The following TEK variants were observed in gnomAD, a reference collection of about 807,000 sequenced individuals.
TEK encodes TEK receptor tyrosine kinase.
TEK carries 43 observed loss-of-function variants against 131.8 expected under a neutral mutation model. The observed-to-expected ratio is 0.33, with a 90% CI of 0.26 to 0.42. TEK has a LOEUF of 0.42. Among genes scored for constraint, TEK ranks in the 10% least tolerant of loss-of-function variants. TEK has a pLI of 1.00. For synonymous variants in TEK, 580 were observed against 491.6 expected (o/e 1.18, Z -2.38); for missense variants, 1,162 against 1,384.4 (o/e 0.84, Z 2.55).
rs1229985406 is a variant in TEK, at chr9:27,185,534, T to G, written c.1232T>G (p.Ile411Ser). ...TDHFSVAIFTIHRILPPDSGV... is the reference protein window; with the variant it reads ...TDHFSVAIFTSHRILPPDSGV... The stretch of plus-strand genomic sequence containing the variant: ...CATTTCTCAGTAGCCATATTCACCA[T>G]CCACCGGATCCTCCCCCCTGACTCA... The change falls in exon 9 of 23, where the codon ATC (isoleucine) becomes AGC (serine). Residue 411 changes from isoleucine (I) to serine (S), a missense_variant. Physicochemically the swap from Ile to Ser is moderately radical, Grantham distance 142 (BLOSUM62 -2). This residue lies in a region of TEK where 436 missense variants were observed against 539.1 expected (regional missense o/e 0.81). Coordinates refer to ENST00000380036, the MANE Select transcript of TEK (RefSeq NM_000459.5). 3.7e-6 allele frequency: 6 copies of G among 1,613,270 alleles called. No individual in the cohort carries two copies. The Admixed American group carries it at 1.0e-4, about 27-fold the overall frequency.
chr9:27,177,580 G>A (rs892081590), intron 6 of TEK, among the ~76,000 whole-genome samples: 2 of 152,208 alleles, frequency 1.3e-5, no homozygotes, highest in African/African-American at 2.4e-5. Context: ...GAGAAACCCC[G>A]TCTCTACTAA....
chr9:27,198,524 G>C (rs1168259356), intron 12 of TEK: 1 of 152,196 alleles, frequency 6.6e-6, no homozygotes, highest in Admixed American at 6.5e-5. Context: ...TCAGTGTTTA[G>C]GAATTCTTCA....
intron 1 of TEK, 112 bp downstream of exon 1, chr9:27,109,754 C>CT: frequency 2.0e-6 from 2 of 1,007,328 alleles, no homozygotes; most frequent in Non-Finnish European, 3.1e-6. Context: ...GTGGCTGTAG[C>CT]AAAGGCACCA....
rs539107517 is a variant in TEK at position 27,168,509 on chromosome 9, G to A, written c.379G>A (p.Ala127Thr). The part of the protein sequence containing the change: ...KMRQQASFLP[A>T]TLTMTVDKGD... ...TCTTTTAAAAGCTTCCTTCCTACCA[G>A]CTACTTTAACTATGACTGTGGACAA... The change falls in exon 3 of 23, where the codon GCT becomes ACT. Residue 127 changes from alanine (A) to threonine (T), a missense_variant. Physicochemically the swap from Ala to Thr is moderately conservative, Grantham distance 58 (BLOSUM62 0). Around this residue, in one of 6 missense-constraint regions of TEK, gnomAD observed 436 missense variants for 539.1 expected, o/e 0.81. Transcript: ENST00000380036. 11 of 1,613,420 alleles carry A rather than the reference G, an allele frequency of 6.8e-6. No homozygotes were observed. In the Admixed American group the frequency reaches 1.8e-4, roughly 27 times the overall value.
intron 22 of TEK, among the ~76,000 whole-genome samples, 160 bp downstream of exon 22, chr9:27,228,465 G>C (rs1826426055): frequency 6.6e-6 from 1 of 152,092 alleles, no homozygotes; most frequent in East Asian, 1.9e-4. Context: ...CTTTGAAGAA[G>C]TTACAATTTT....
At chr9:27,218,716 CCGGAAAATG>C in intron 19 of TEK, 52 bp from the exon 20 acceptor site, 1 of 1,594,616 alleles carries the variant, frequency 6.3e-7, no homozygotes, top group Non-Finnish European at 8.6e-7. Flanking sequence ...GCTTTTGGGG[CCGGAAAATG>C]AGCGGTGACT....
In TEK at chr9:27,172,865, A is replaced by G. The variant is rs911646126; in HGVS notation, c.760+118A>G. The G allele has an allele frequency of 2.8e-5, 38 of 1,373,596 alleles. No homozygotes were observed. In the African/African-American group the frequency reaches 5.0e-4, roughly 18 times the overall value. The allele number at this position is 1,373,596 out of a possible 1,614,324, so 85.1% of individuals were successfully genotyped here. A position where few individuals can be genotyped will look rare whatever the true frequency, so the allele number is the denominator to read the frequency against. ...CGCTAAATGGCCTCTGTTAGGTCAG[A>G]TGGTACCTGTGTGTGAATTAGAAAA... On this transcript the variant is annotated intron_variant, in intron 5 of 22. Coordinates refer to ENST00000380036, the MANE Select transcript of TEK (RefSeq NM_000459.5).
chr9:27,216,446 C>G (rs1053801221), intron 18 of TEK, among the ~76,000 whole-genome samples: 1 of 151,978 alleles, frequency 6.6e-6, no homozygotes, highest in African/African-American at 2.4e-5. Context: ...AGCCAGCAGG[C>G]TGGGAGTGAA....
chr9:27,212,461 G>A (rs1825670268), intron 16 of TEK, among the ~76,000 whole-genome samples: 2 of 152,134 alleles, frequency 1.3e-5, no homozygotes, highest in South Asian at 2.1e-4. Context: ...CTGTGTGAGT[G>A]CAGGTTTGGT....
At chr9:27,176,435 C>T (rs184326815) in intron 6 of TEK, among the ~76,000 whole-genome samples, 63 of 152,224 alleles carry the variant, frequency 4.1e-4, no homozygotes, top group African/African-American at 1.4e-3. Context: ...TTCTGCCATC[C>T]CAACAGAAAC....
intron 1 of TEK, among the ~76,000 whole-genome samples, chr9:27,120,250 A>G (rs1424424318): frequency 6.6e-6 from 1 of 152,222 alleles, no homozygotes; most frequent in Non-Finnish European, 1.5e-5. Flanking sequence ...GACTCTTTGC[A>G]GTTTCCAAAC....
intron 4 of TEK, 105 bp downstream of exon 4, chr9:27,169,734 A>AATGCCTGGTTTTT: frequency 1.3e-6 from 2 of 1,512,932 alleles, no homozygotes; most frequent in Non-Finnish European, 1.8e-6. Context: ...AGCAAAAACC[A>AATGCCTGGTTTTT]GGCATTGGTT....
Position 27,180,347 on chromosome 9 carries a change from G to C in TEK, c.1009G>C (p.Gly337Arg), listed in dbSNP as rs1324583954. ...QGCLCSPGWQ[G>R]LQCEREGIQR... ...ATGTCTCTGCTCTCCAGGATGGCAG[G>C]GGCTCCAGTGTGAGAGAGAAGGTAA... The change falls in exon 7 of 23, where the codon GGG becomes CGG. Residue 337 changes from glycine (G) to arginine (R), a missense_variant. Coordinates refer to ENST00000380036, the MANE Select transcript of TEK (RefSeq NM_000459.5). 1 of 1,613,478 alleles carries C rather than the reference G, an allele frequency of 6.2e-7. No individual in the cohort carries two copies. Among genetic ancestry groups the C allele is most frequent in the Non-Finnish European group, 8.5e-7 (1 of 1,179,714 alleles).
rs1370408559 is a variant in TEK, at chr9:27,202,710, A to G, written c.1910-110A>G. On this transcript the variant is annotated intron_variant, in intron 12 of 22. Transcript: ENST00000380036. ...CCAATTGATTGGGGTACCATATGAG[A>G]AAACATTTGTTTGCCTTATATGAGC... 13 of 1,193,970 alleles carry G rather than the reference A, an allele frequency of 1.1e-5. No individual in the cohort carries two copies. In the Admixed American group the frequency reaches 1.4e-4, roughly 13 times the overall value. 74.0% of individuals were successfully genotyped at this position (1,193,970 alleles called of 1,614,324 possible). A position where few individuals can be genotyped will look rare whatever the true frequency, so the allele number is the denominator to read the frequency against.
chr9:27,197,164 C>T lies in TEK; in HGVS notation c.1625-151C>T, dbSNP rs1825057270. 5.4e-6 allele frequency: 4 copies of T among 743,184 alleles called. No individual in the cohort carries two copies. The South Asian group carries it at 6.9e-5, about 13-fold the overall frequency. 46.0% of individuals were successfully genotyped at this position (743,184 alleles called of 1,614,324 possible). On this transcript the variant is annotated intron_variant, in intron 11 of 22. Transcript: ENST00000380036. ...CCAAGGGGGATGGTACTAAACCATT[C>T]ATGGGAAGTCACACTCATCAACCAA...
chr9:27,116,139 T>C (rs1411816047), intron 1 of TEK, among the ~76,000 whole-genome samples: 1 of 152,050 alleles, frequency 6.6e-6, no homozygotes. Context: ...ATTGGTTGTA[T>C]ATGGAAGGTT....
At chr9:27,186,418 G>C (rs1241303252) in intron 9 of TEK, among the ~76,000 whole-genome samples, 1 of 152,136 alleles carries the variant, frequency 6.6e-6, no homozygotes, top group African/African-American at 2.4e-5. Context: ...TGTAATTTCT[G>C]ATACATTGTA....
chr9:27,217,636 C>G, intron 18 of TEK, 52 bp from the exon 19 acceptor site: 1 of 1,538,776 alleles, frequency 6.5e-7, no homozygotes, highest in Non-Finnish European at 9.0e-7. Context: ...AGGCTGAGAG[C>G]CTCTTAAAGA....
intron 18 of TEK, 126 bp from the exon 19 acceptor site, chr9:27,217,562 G>C (rs1381910440): frequency 1.3e-6 from 1 of 796,498 alleles, no homozygotes; most frequent in Non-Finnish European, 2.2e-6. Context: ...ATGTAGCTGG[G>C]ACATACACAA....
Sources: allele counts gnomAD v4.1 joint callset (sites outside exome capture counted in the v4.1 genomes callset), GRCh38; gene constraint gnomAD v4.1.1; regional missense constraint gnomAD v4.1.1; transcripts MANE v1.5; gene names NCBI Gene and HGNC (gene_info 2026-07-23, HGNC 2026-07-21).